The following CPXM2 variants were observed in gnomAD, a reference collection of about 807,000 sequenced individuals.
CPXM2 encodes the protein inactive carboxypeptidase-like protein X2.
A neutral mutation model predicts 86.1 loss-of-function variants in CPXM2; 66 were observed. That is an observed-to-expected ratio of 0.77 (90% CI 0.63 to 0.94). The LOEUF is 0.94. Ranked by LOEUF, CPXM2 falls within the 40% of genes least tolerant of loss-of-function variation. CPXM2 has a pLI of 0.00. For missense variants in CPXM2, 948 were observed against 1,026.3 expected, an observed-to-expected ratio of 0.92 and a Z score of 1.04; for synonymous variants, 388 against 400.2, an observed-to-expected ratio of 0.97 and a Z score of 0.36.
At chr10:123,860,871 G>C (rs1410169091) in intron 3 of CPXM2, among the ~76,000 whole-genome samples, 2 of 152,146 alleles carry the variant, frequency 1.3e-5, no homozygotes, top group South Asian at 4.1e-4. Flanking sequence ...TTTTTTATAC[G>C]AGTATTTATA....
At chr10:123,770,439 G>A (rs1846601283) in intron 8 of CPXM2, among the ~76,000 whole-genome samples, 2 of 152,236 alleles carry the variant, frequency 1.3e-5, no homozygotes, top group South Asian at 4.1e-4. Flanking sequence ...AAGAAAAACA[G>A]AGAAGCCCAT....
intron 2 of CPXM2, among the ~76,000 whole-genome samples, chr10:123,868,461 AC>A (rs1180828689): frequency 6.6e-6 from 1 of 152,168 alleles, no homozygotes; most frequent in Non-Finnish European, 1.5e-5. Context: ...CAGAAAGGAG[AC>A]AAGTACTGTC....
At chr10:123,854,129 A>G (rs1324212394) in intron 3 of CPXM2, among the ~76,000 whole-genome samples, 1 of 151,152 alleles carries the variant, frequency 6.6e-6, no homozygotes, top group African/African-American at 2.4e-5. Context: ...GCCCTGGGGA[A>G]CCATCCCCAT....
intron 1 of CPXM2, among the ~76,000 whole-genome samples, chr10:123,888,865 G>A (rs905553591): frequency 2.6e-5 from 4 of 152,178 alleles, no homozygotes; most frequent in Admixed American, 1.3e-4. Context: ...CCTCTGATGT[G>A]AGTCTCTAGA....
At chr10:123,886,624 C>T (rs773562380) in intron 1 of CPXM2, among the ~76,000 whole-genome samples, 4 of 152,144 alleles carry the variant, frequency 2.6e-5, no homozygotes, top group Non-Finnish European at 5.9e-5. Flanking sequence ...AACAGCGGTG[C>T]ATTCTCACCA....
intron 2 of CPXM2, among the ~76,000 whole-genome samples, chr10:123,875,895 C>T (rs986548935): frequency 7.1e-5 from 10 of 140,430 alleles, no homozygotes; most frequent in African/African-American, 2.7e-4. Flanking sequence ...TGGCTCACTT[C>T]AACCTCCGCC....
At chr10:123,827,645 G>T (rs1382908657) in intron 4 of CPXM2, among the ~76,000 whole-genome samples, 1 of 152,184 alleles carries the variant, frequency 6.6e-6, no homozygotes, top group African/African-American at 2.4e-5. Flanking sequence ...ATCTACAAAT[G>T]TACACACAGC....
chr10:123,834,612 T>G (rs1344133163), intron 4 of CPXM2, among the ~76,000 whole-genome samples: 1 of 152,132 alleles, frequency 6.6e-6, no homozygotes, highest in African/African-American at 2.4e-5. Context: ...TGGAGTGCCA[T>G]GAGCGAAGGG....
upstream of CPXM2, among the ~76,000 whole-genome samples, chr10:123,894,294 A>G (rs1945316023): frequency 6.6e-6 from 1 of 152,218 alleles, no homozygotes. Context: ...AAGTGTCCAG[A>G]GAAGGCCCTA....
chr10:123,868,782 C>A (rs531324147), intron 2 of CPXM2, among the ~76,000 whole-genome samples: 7 of 152,068 alleles, frequency 4.6e-5, no homozygotes, highest in Non-Finnish European at 8.8e-5. Flanking sequence ...CAAGCAGACA[C>A]GTGACCGGCA....
upstream of CPXM2, among the ~76,000 whole-genome samples, chr10:123,942,774 T>C (rs1437859005): frequency 1.3e-5 from 2 of 152,256 alleles, no homozygotes; most frequent in Non-Finnish European, 2.9e-5. Context: ...TAAAGTTGCT[T>C]TCACTTTACC....
intron 4 of CPXM2, among the ~76,000 whole-genome samples, chr10:123,807,378 C>A (rs1185228588): frequency 1.3e-5 from 2 of 152,188 alleles, no homozygotes; most frequent in East Asian, 3.9e-4. Flanking sequence ...AGATACTTGC[C>A]CATCTGTATG....
At chr10:123,925,047 G>A (rs1296141145) in intron 2 of CPXM2, among the ~76,000 whole-genome samples, 1 of 151,598 alleles carries the variant, frequency 6.6e-6, no homozygotes, top group Non-Finnish European at 1.5e-5. Context: ...TAGGAAGTAA[G>A]TGCTAAGGGA....
At chr10:123,923,043 C>G (rs1043863719) in intron 2 of CPXM2, among the ~76,000 whole-genome samples, 5 of 152,130 alleles carry the variant, frequency 3.3e-5, no homozygotes, top group Non-Finnish European at 5.9e-5. Flanking sequence ...ATTCAAGCCT[C>G]TATAGCTAAC....
intron 10 of CPXM2, among the ~76,000 whole-genome samples, chr10:123,765,868 G>A (rs769027030): frequency 5.9e-5 from 9 of 152,222 alleles, no homozygotes; most frequent in Non-Finnish European, 1.2e-4. Context: ...AGGGAGAGCA[G>A]CTGTCCTGTC....
At chr10:123,836,237 C>A (rs977239276) in intron 4 of CPXM2, among the ~76,000 whole-genome samples, 2 of 152,104 alleles carry the variant, frequency 1.3e-5, no homozygotes, top group African/African-American at 4.8e-5. Context: ...GAACCCTGAC[C>A]CCAGTCATCA....
chr10:123,883,936 G>A (rs1333296371), intron 1 of CPXM2, among the ~76,000 whole-genome samples: 6 of 152,190 alleles, frequency 3.9e-5, no homozygotes, highest in Admixed American at 1.3e-4. Flanking sequence ...CATCTGGGCC[G>A]CGTGACAAAA....
chr10:123,886,023 A>G (rs1294143952), intron 1 of CPXM2, among the ~76,000 whole-genome samples: 3 of 152,238 alleles, frequency 2.0e-5, no homozygotes, highest in Non-Finnish European at 4.4e-5. Context: ...ATTTGCCAGC[A>G]TTAATAGTTG....
chr10:123,809,946 TATAA>T (rs1261260398), intron 4 of CPXM2, among the ~76,000 whole-genome samples: 4 of 151,960 alleles, frequency 2.6e-5, no homozygotes, highest in Non-Finnish European at 4.4e-5. Context: ...TCACCACAAA[TATAA>T]ATAGATTAGT....
Sources: allele counts gnomAD v4.1 joint callset (sites outside exome capture counted in the v4.1 genomes callset), GRCh38; gene constraint gnomAD v4.1.1; transcripts MANE v1.5; gene names NCBI Gene and HGNC (gene_info 2026-07-23, HGNC 2026-07-21).